Variants in STARD13 observed in about 807,000 individuals in gnomAD.
The protein encoded by STARD13 is StAR related lipid transfer domain containing 13, also known as stAR-related lipid transfer protein 13.
In STARD13, 62 loss-of-function variants were observed where a neutral mutation model predicts 106.4. The observed-to-expected ratio is 0.58, with a 90% CI of 0.48 to 0.72. The LOEUF (loss-of-function observed/expected upper bound fraction) is 0.72. Among genes scored for constraint, STARD13 ranks in the 30% least tolerant of loss-of-function variants. The pLI is 0.00. For synonymous variants in STARD13, 565 were observed against 553.0 expected (o/e 1.02, Z -0.31); for missense variants, 1,387 against 1,424.0 (o/e 0.97, Z 0.42).
At chr13:33,435,724 A>G in the STARD13 span, among the ~76,000 whole-genome samples, 1 of 152,186 alleles carries the variant, frequency 6.6e-6, no homozygotes, top group African/African-American at 2.4e-5. Flanking sequence ...AGGAGGGATA[A>G]TTTTATCTCA....
the STARD13 span, among the ~76,000 whole-genome samples, chr13:33,408,853 C>A: frequency 2.6e-5 from 4 of 152,204 alleles, no homozygotes; most frequent in South Asian, 8.3e-4. Flanking sequence ...GATGTTCCCT[C>A]TGCTTTGAAT....
chr13:33,651,821 C>T, the STARD13 span, among the ~76,000 whole-genome samples: 1 of 152,186 alleles, frequency 6.6e-6, no homozygotes, highest in Non-Finnish European at 1.5e-5. Flanking sequence ...GAAGTCCTTC[C>T]ACTCTGCTGG....
intron 1 of STARD13, among the ~76,000 whole-genome samples, chr13:33,243,525 A>G (rs2138258236): frequency 6.6e-6 from 1 of 152,228 alleles, no homozygotes; most frequent in Middle Eastern, 3.4e-3. Flanking sequence ...GGTCATAGGG[A>G]TTTTCAAGTA....
At chr13:33,470,223 T>C in the STARD13 span, among the ~76,000 whole-genome samples, 1 of 152,212 alleles carries the variant, frequency 6.6e-6, no homozygotes, top group African/African-American at 2.4e-5. Context: ...GCAGAGGACA[T>C]GAACTCATCC....
the STARD13 span, among the ~76,000 whole-genome samples, chr13:33,580,187 A>T: frequency 6.6e-6 from 1 of 152,300 alleles, no homozygotes; most frequent in East Asian, 1.9e-4. Context: ...GTGAATTAAT[A>T]AACTATGGTA....
At chr13:33,200,429 C>T (rs1886935507) in intron 1 of STARD13, among the ~76,000 whole-genome samples, 1 of 152,198 alleles carries the variant, frequency 6.6e-6, no homozygotes, top group African/African-American at 2.4e-5. Context: ...GCGTCACCAA[C>T]AACGAGACCA....
At position 33,106,795 on chromosome 13, in the gene STARD13, T is replaced by C; in HGVS notation, c.3187A>G (p.Lys1063Glu). 1 of 1,613,976 alleles carries C rather than the reference T, an allele frequency of 6.2e-7. No individual in the cohort carries two copies. Among genetic ancestry groups the C allele is most frequent in the Non-Finnish European group, 8.5e-7 (1 of 1,179,912 alleles). ...QYLIEPCGSG[K>E]SRLTHICRID... The stretch of plus-strand genomic sequence containing the variant: ...CTGCAGATGTGAGTCAGTCTTGACT[T>C]GCCAGAGCCACACGGTTCTATCAAG... The change falls in exon 13 of 14, where the codon AAG becomes GAG. Residue 1063 changes from lysine (K) to glutamate (E), a missense_variant. Physicochemically the swap from Lys to Glu is moderately conservative, Grantham distance 56. Transcript: ENST00000336934.
the STARD13 span, among the ~76,000 whole-genome samples, chr13:33,526,951 G>A: frequency 6.6e-6 from 1 of 152,052 alleles, no homozygotes; most frequent in Non-Finnish European, 1.5e-5. Context: ...TTGAAGTGTT[G>A]TTTTTAGAAC....
chr13:33,599,102 C>A, the STARD13 span, among the ~76,000 whole-genome samples: 4 of 152,168 alleles, frequency 2.6e-5, no homozygotes, highest in Non-Finnish European at 5.9e-5. Context: ...TGAGAAACAG[C>A]CTCAACCATA....
At chr13:33,159,172 T>C (rs996580594) in intron 3 of STARD13, among the ~76,000 whole-genome samples, 2 of 152,162 alleles carry the variant, frequency 1.3e-5, no homozygotes, top group African/African-American at 4.8e-5. Context: ...TTTGGGGGTA[T>C]GTATGGACGA....
chr13:33,546,384 CTTTTAA>C, the STARD13 span, among the ~76,000 whole-genome samples: 1 of 152,124 alleles, frequency 6.6e-6, no homozygotes, highest in Non-Finnish European at 1.5e-5. Context: ...CTTATTAATA[CTTTTAA>C]TTTTAGCCTA....
At chr13:33,271,068 A>G (rs1476339932) in intron 1 of STARD13, among the ~76,000 whole-genome samples, 2 of 152,224 alleles carry the variant, frequency 1.3e-5, no homozygotes, top group African/African-American at 4.8e-5. Flanking sequence ...GCAAAATTTC[A>G]CAAACACCAG....
At chr13:33,532,766 A>G in the STARD13 span, among the ~76,000 whole-genome samples, 1 of 152,224 alleles carries the variant, frequency 6.6e-6, no homozygotes, top group Non-Finnish European at 1.5e-5. Flanking sequence ...TATCTCAAGT[A>G]ATTATGAACT....
At chr13:33,149,281 CG>C (rs896382802) in intron 3 of STARD13, among the ~76,000 whole-genome samples, 2 of 151,594 alleles carry the variant, frequency 1.3e-5, no homozygotes, top group Non-Finnish European at 2.9e-5. Flanking sequence ...AGTGAGTGGG[CG>C]GGGGGCTGTG....
chr13:33,662,076 C>A, the STARD13 span, among the ~76,000 whole-genome samples: 1 of 151,900 alleles, frequency 6.6e-6, no homozygotes, highest in Non-Finnish European at 1.5e-5. Context: ...TCCTGGCTAA[C>A]ACGGTGAAAC....
intron 3 of STARD13, among the ~76,000 whole-genome samples, chr13:33,143,519 T>C (rs1718293717): frequency 6.6e-6 from 1 of 152,204 alleles, no homozygotes; most frequent in Admixed American, 6.5e-5. Context: ...CTCTTGCTGA[T>C]GGACATTTGA....
chr13:33,233,089 G>A (rs562683702), intron 1 of STARD13, among the ~76,000 whole-genome samples: 1 of 152,350 alleles, frequency 6.6e-6, no homozygotes, highest in East Asian at 1.9e-4. Context: ...AGCGACAGGA[G>A]GCAGCCAAAT....
At chr13:33,434,893 AGAAGGAAGGAAG>A in the STARD13 span, among the ~76,000 whole-genome samples, 2,496 of 130,628 alleles carry the variant, frequency 0.019, 55 homozygotes, top group African/African-American at 0.056. Flanking sequence ...AGGGAAGGAA[AGAAGGAAGGAAG>A]GAAGGAAGGA....
intron 1 of STARD13, among the ~76,000 whole-genome samples, chr13:33,257,299 T>G (rs571811350): frequency 1.3e-5 from 2 of 152,132 alleles, no homozygotes; most frequent in East Asian, 3.9e-4. Flanking sequence ...AGGACATCAG[T>G]AAAAATAGTC....
Sources: allele counts gnomAD v4.1 joint callset (sites outside exome capture counted in the v4.1 genomes callset), GRCh38; gene constraint gnomAD v4.1.1; transcripts MANE v1.5; gene names NCBI Gene and HGNC (gene_info 2026-07-23, HGNC 2026-07-21).